CHST9: variants seen among roughly 807,000 people sequenced by gnomAD.
The protein encoded by CHST9 is carbohydrate sulfotransferase 9.
Under a neutral mutation model 44.4 loss-of-function variants are expected in CHST9, and 41 were observed. The observed-to-expected ratio is 0.92, with a 90% CI of 0.72 to 1.20. The LOEUF is 1.20. CHST9 is among the 50% of genes most tolerant of loss of function. The pLI is 0.00. For synonymous variants in CHST9, 171 were observed against 178.4 expected (o/e 0.96, Z 0.33); for missense variants, 504 against 516.5 (o/e 0.98, Z 0.23).
At chr18:26,992,049 T>A (rs1257660435) in intron 4 of CHST9, among the ~76,000 whole-genome samples, 1 of 127,290 alleles carries the variant, frequency 7.9e-6, no homozygotes, top group Non-Finnish European at 1.8e-5. Flanking sequence ...AAGGAAAAAT[T>A]GATGTTGTTA....
intron 2 of CHST9, among the ~76,000 whole-genome samples, chr18:27,088,563 T>A (rs1042327021): frequency 6.6e-6 from 1 of 151,872 alleles, no homozygotes; most frequent in Non-Finnish European, 1.5e-5. Flanking sequence ...CCCAGCTAAT[T>A]TTTGTATTTT....
In CHST9 at chr18:26,916,321, A is replaced by G. The variant is rs751601546; in HGVS notation, c.1270T>C (p.Leu424=). ...LKDLTRTERQ[L]IYDFYYLDYL... is the part of the protein sequence containing the mutation. The stretch of plus-strand genomic sequence containing the variant: ...TCCAAGTAATAAAAGTCATAGATTA[A>G]TTGTCTCTCAGTTCTAGTCAGATCC... The change falls in exon 6 of 6, where the codon TTA becomes CTA. Residue 424 remains leucine, a synonymous_variant. Transcript: ENST00000618847. 3 of 1,608,784 alleles carry G rather than the reference A, an allele frequency of 1.9e-6. No individual in the cohort carries two copies. The highest frequency in any genetic ancestry group is 2.2e-5 in the South Asian group (2 of 90,722).
chr18:27,128,126 C>T (rs2143827921), intron 2 of CHST9, among the ~76,000 whole-genome samples: 1 of 152,306 alleles, frequency 6.6e-6, no homozygotes, highest in East Asian at 1.9e-4. Flanking sequence ...TCACAATCTA[C>T]AGTTGCCATA....
At chr18:27,132,076 T>A (rs1403688003) in intron 2 of CHST9, among the ~76,000 whole-genome samples, 1 of 152,224 alleles carries the variant, frequency 6.6e-6, no homozygotes, top group Non-Finnish European at 1.5e-5. Flanking sequence ...AAAGGCATCT[T>A]GGGTTTGTGT....
intron 2 of CHST9, among the ~76,000 whole-genome samples, chr18:27,130,378 A>G (rs2058461114): frequency 6.6e-6 from 1 of 152,228 alleles, no homozygotes; most frequent in African/African-American, 2.4e-5. Context: ...AGAAACACTG[A>G]GAGCAGATTC....
At chr18:27,042,778 T>A (rs1259498316) in intron 3 of CHST9, among the ~76,000 whole-genome samples, 1 of 151,760 alleles carries the variant, frequency 6.6e-6, no homozygotes, top group Non-Finnish European at 1.5e-5. Context: ...TCTCTATCTC[T>A]CTCTCTCTCT....
intron 4 of CHST9, among the ~76,000 whole-genome samples, chr18:26,963,684 A>T (rs1339541566): frequency 6.6e-6 from 1 of 152,170 alleles, no homozygotes; most frequent in African/African-American, 2.4e-5. Context: ...AAGATCACAA[A>T]CTTGGGTGTC....
At chr18:27,132,575 G>A (rs1442331875) in intron 2 of CHST9, among the ~76,000 whole-genome samples, 1 of 152,190 alleles carries the variant, frequency 6.6e-6, no homozygotes, top group African/African-American at 2.4e-5. Flanking sequence ...TAGGGCACAG[G>A]AGTGAACAAG....
chr18:27,183,666 A>G (rs2058931367), intron 1 of CHST9, among the ~76,000 whole-genome samples: 1 of 152,208 alleles, frequency 6.6e-6, no homozygotes, highest in Non-Finnish European at 1.5e-5. Context: ...CTCAATTACT[A>G]GTCAGCTGTA....
At chr18:26,917,897 G>A (rs1555667675) in intron 5 of CHST9, among the ~76,000 whole-genome samples, 1 of 151,436 alleles carries the variant, frequency 6.6e-6, no homozygotes, top group East Asian at 1.9e-4. Context: ...CTGGGAAAAT[G>A]TTTTATTTTT....
intron 5 of CHST9, among the ~76,000 whole-genome samples, chr18:26,938,077 C>T (rs2056024958): frequency 7.1e-6 from 1 of 140,336 alleles, no homozygotes; most frequent in African/African-American, 2.5e-5. Context: ...AGTGTTTATT[C>T]CAACCACTAT....
chr18:26,952,681 A>C, intron 4 of CHST9: 1 of 218,294 alleles, frequency 4.6e-6, no homozygotes, highest in Non-Finnish European at 9.1e-6. Flanking sequence ...TCTCTAACTT[A>C]AGAACTAAAA....
chr18:27,140,979 G>A (rs2058559600), intron 2 of CHST9, among the ~76,000 whole-genome samples: 1 of 152,154 alleles, frequency 6.6e-6, no homozygotes, highest in South Asian at 2.1e-4. Flanking sequence ...CAAAAGTGTT[G>A]TCCAGGGGCA....
intron 4 of CHST9, among the ~76,000 whole-genome samples, chr18:26,953,115 G>A (rs1205844966): frequency 2.0e-5 from 3 of 152,152 alleles, no homozygotes; most frequent in Non-Finnish European, 4.4e-5. Context: ...GGATATCTAA[G>A]TATCTGTATT....
intron 4 of CHST9, among the ~76,000 whole-genome samples, chr18:26,956,327 AT>A (rs1181107509): frequency 0.012 from 1,409 of 118,804 alleles, 27 homozygotes; most frequent in African/African-American, 0.043. Context: ...AAAAAAAAAA[AT>A]ATATATATAT....
At chr18:27,009,806 G>T (rs1011965192) in intron 4 of CHST9, among the ~76,000 whole-genome samples, 2 of 152,212 alleles carry the variant, frequency 1.3e-5, no homozygotes, top group African/African-American at 2.4e-5. Context: ...GAACTGTGAA[G>T]AAGCCTTCCT....
At chr18:27,165,041 G>C (rs983161298) in intron 1 of CHST9, among the ~76,000 whole-genome samples, 3 of 152,184 alleles carry the variant, frequency 2.0e-5, no homozygotes, top group Non-Finnish European at 2.9e-5. Flanking sequence ...AAAAAGGAGA[G>C]AGAGAAAAGA....
chr18:27,140,022 C>T (rs12969884), intron 2 of CHST9, among the ~76,000 whole-genome samples: 47,984 of 152,012 alleles, frequency 0.32, 8,207 homozygotes, highest in Non-Finnish European at 0.39. Flanking sequence ...TTAGGAAAAC[C>T]TAGGTATGGG....
chr18:27,063,300 T>C (rs1245932589), intron 2 of CHST9, among the ~76,000 whole-genome samples: 1 of 152,180 alleles, frequency 6.6e-6, no homozygotes, highest in Non-Finnish European at 1.5e-5. Flanking sequence ...CTGGTCTAAT[T>C]TATGTACAAA....
Sources: allele counts gnomAD v4.1 joint callset (sites outside exome capture counted in the v4.1 genomes callset), GRCh38; gene constraint gnomAD v4.1.1; transcripts MANE v1.5; gene names NCBI Gene and HGNC (gene_info 2026-07-23, HGNC 2026-07-21).